Variants in CDC42SE2 observed in about 807,000 individuals in gnomAD.
CDC42SE2 encodes CDC42 small effector protein 2.
A neutral mutation model predicts 11.5 loss-of-function variants in CDC42SE2; 3 were observed. The observed-to-expected ratio is 0.26, with a 90% confidence interval of 0.12 to 0.67. CDC42SE2 has a LOEUF of 0.67. CDC42SE2 is among the 30% of genes least tolerant of loss of function. The pLI, the probability that CDC42SE2 is intolerant of heterozygous loss-of-function variation, is 0.80. For synonymous variants in CDC42SE2, 33 were observed against 34.8 expected (o/e 0.95, Z 0.18); for missense variants, 82 against 106.8 (o/e 0.77, Z 1.02).
intron 1 of CDC42SE2, among the ~76,000 whole-genome samples, chr5:131,302,976 G>C (rs1332680237): frequency 6.6e-6 from 1 of 152,140 alleles, no homozygotes; most frequent in African/African-American, 2.4e-5. Context: ...GTCTTGGAAT[G>C]TTAACAGCAC....
At chr5:131,238,948 G>A in the CDC42SE2 span, among the ~76,000 whole-genome samples, 3 of 151,920 alleles carry the variant, frequency 2.0e-5, no homozygotes, top group African/African-American at 7.3e-5. Context: ...ACGAGGTCAG[G>A]AGTTTGAGAC....
intron 1 of CDC42SE2, among the ~76,000 whole-genome samples, chr5:131,272,489 C>T (rs1757014436): frequency 6.6e-6 from 1 of 152,122 alleles, no homozygotes; most frequent in South Asian, 2.1e-4. Flanking sequence ...TTATACGTCT[C>T]CTTGTATCTT....
the CDC42SE2 span, among the ~76,000 whole-genome samples, chr5:131,222,721 T>C: frequency 6.6e-6 from 1 of 152,218 alleles, no homozygotes; most frequent in Non-Finnish European, 1.5e-5. Flanking sequence ...TATCTCAGCG[T>C]CTTCTTTAAC....
At chr5:131,340,281 G>A (rs1419124202) in intron 2 of CDC42SE2, among the ~76,000 whole-genome samples, 1 of 152,152 alleles carries the variant, frequency 6.6e-6, no homozygotes, top group African/African-American at 2.4e-5. Flanking sequence ...GCCATTTTGA[G>A]TAGCATGATG....
intron 1 of CDC42SE2, among the ~76,000 whole-genome samples, chr5:131,283,498 CT>C (rs919195912): frequency 7.9e-4 from 114 of 145,012 alleles, no homozygotes; most frequent in Non-Finnish European, 7.8e-4. Flanking sequence ...ACATCATTCT[CT>C]TTTTTTTTTT....
chr5:131,343,565 A>G (rs756222578), intron 2 of CDC42SE2, among the ~76,000 whole-genome samples: 2 of 152,108 alleles, frequency 1.3e-5, no homozygotes, highest in Non-Finnish European at 2.9e-5. Flanking sequence ...ATACAAAATT[A>G]GCCAGGTGTG....
At chr5:131,276,988 C>T (rs1223321922) in intron 1 of CDC42SE2, among the ~76,000 whole-genome samples, 1 of 152,128 alleles carries the variant, frequency 6.6e-6, no homozygotes, top group East Asian at 1.9e-4. Flanking sequence ...GATCCGCCCA[C>T]CTCGGCCTCC....
the CDC42SE2 span, among the ~76,000 whole-genome samples, chr5:131,234,958 G>C: frequency 6.8e-6 from 1 of 146,460 alleles, no homozygotes; most frequent in African/African-American, 2.6e-5. Flanking sequence ...GCACGATCTC[G>C]ACTCACTGCA....
the CDC42SE2 span, among the ~76,000 whole-genome samples, chr5:131,239,953 T>C: frequency 1.3e-5 from 2 of 152,234 alleles, no homozygotes; most frequent in African/African-American, 4.8e-5. Context: ...CAGTTTTATA[T>C]CCCTGCTTTA....
chr5:131,289,508 T>C (rs1390408129), intron 1 of CDC42SE2, among the ~76,000 whole-genome samples: 2 of 151,858 alleles, frequency 1.3e-5, no homozygotes, highest in Non-Finnish European at 2.9e-5. Context: ...CTGTCTCTAC[T>C]AAAAAATACA....
the CDC42SE2 span, among the ~76,000 whole-genome samples, chr5:131,216,512 A>C: frequency 1.3e-5 from 2 of 149,114 alleles, no homozygotes; most frequent in Non-Finnish European, 3.0e-5. Context: ...AAAAAAAAAA[A>C]AAAAAAAAAA....
chr5:131,271,767 A>G (rs1049198596), intron 1 of CDC42SE2, among the ~76,000 whole-genome samples: 7 of 152,094 alleles, frequency 4.6e-5, no homozygotes, highest in Non-Finnish European at 8.8e-5. Flanking sequence ...GTGGTCCACT[A>G]TTATAATTTT....
intron 1 of CDC42SE2, among the ~76,000 whole-genome samples, chr5:131,287,378 A>G (rs1376325000): frequency 6.6e-6 from 1 of 152,100 alleles, no homozygotes; most frequent in African/African-American, 2.4e-5. Flanking sequence ...CTTTTCTTTT[A>G]ATCTGAACCA....
chr5:131,345,052 A>G (rs1561592472), intron 2 of CDC42SE2, among the ~76,000 whole-genome samples: 3 of 152,244 alleles, frequency 2.0e-5, no homozygotes, highest in Admixed American at 6.5e-5. Context: ...GGGAGAAACT[A>G]GAGCAGAAAA....
chr5:131,384,332 G>A (rs1404963583), intron 3 of CDC42SE2, among the ~76,000 whole-genome samples: 1 of 152,130 alleles, frequency 6.6e-6, no homozygotes, highest in African/African-American at 2.4e-5. Context: ...TCACCCTGAG[G>A]AGCTGTCATA....
At chr5:131,243,766 A>G (rs1437248972), upstream of CDC42SE2, among the ~76,000 whole-genome samples, 1 of 152,156 alleles carries the variant, frequency 6.6e-6, no homozygotes, top group African/African-American at 2.4e-5. Flanking sequence ...TTGTAAAGTA[A>G]CTTCTGATTT....
At chr5:131,292,819 G>A (rs1213202999) in intron 1 of CDC42SE2, among the ~76,000 whole-genome samples, 1 of 150,062 alleles carries the variant, frequency 6.7e-6, no homozygotes, top group African/African-American at 2.5e-5. Context: ...GCCTGAGGTG[G>A]GAGGATCGCT....
intron 2 of CDC42SE2, among the ~76,000 whole-genome samples, chr5:131,340,728 A>G (rs1256150108): frequency 6.6e-6 from 1 of 151,416 alleles, no homozygotes; most frequent in Admixed American, 6.6e-5. Context: ...TCTGTCATCC[A>G]GGCTGGAGTG....
intron 2 of CDC42SE2, among the ~76,000 whole-genome samples, chr5:131,342,712 T>G (rs1027097784): frequency 2.6e-5 from 4 of 151,686 alleles, no homozygotes; most frequent in African/African-American, 9.7e-5. Context: ...ATTCATTGAT[T>G]CTTTTTTATT....
Sources: allele counts gnomAD v4.1 joint callset (sites outside exome capture counted in the v4.1 genomes callset), GRCh38; gene constraint gnomAD v4.1.1; transcripts MANE v1.5; gene names NCBI Gene and HGNC (gene_info 2026-07-23, HGNC 2026-07-21).